The following RAVER2 variants were observed in gnomAD, a reference collection of about 807,000 sequenced individuals.
The protein encoded by RAVER2 is ribonucleoprotein PTB-binding 2.
Under a neutral mutation model 78.1 loss-of-function variants are expected in RAVER2, and 46 were observed. The ratio of observed to expected loss-of-function variants is 0.59; its 90% confidence interval spans 0.46 to 0.75. The LOEUF is 0.75. Ranked by LOEUF, RAVER2 falls within the 30% of genes least tolerant of loss-of-function variation. The pLI is 0.00. For synonymous variants in RAVER2, 311 were observed against 313.3 expected (o/e 0.99, Z 0.08); for missense variants, 793 against 837.5 (o/e 0.95, Z 0.66).
intron 1 of RAVER2, among the ~76,000 whole-genome samples, chr1:64,766,145 T>C (rs568047821): frequency 1.3e-5 from 2 of 152,362 alleles, no homozygotes; most frequent in South Asian, 4.1e-4. Context: ...AATAGTTTAC[T>C]AAAGCTATCT....
At chr1:64,749,745 T>C (rs1385321854) in intron 1 of RAVER2, among the ~76,000 whole-genome samples, 2 of 152,240 alleles carry the variant, frequency 1.3e-5, no homozygotes, top group East Asian at 3.8e-4. Flanking sequence ...GTCTGGTCTT[T>C]TGCAACTGAA....
intron 1 of RAVER2, among the ~76,000 whole-genome samples, chr1:64,760,944 T>G (rs1170941560): frequency 1.3e-5 from 2 of 152,188 alleles, no homozygotes; most frequent in Non-Finnish European, 2.9e-5. Flanking sequence ...CAACTGGGTT[T>G]GAATCACAGC....
At chr1:64,752,032 A>G (rs1000627448) in intron 1 of RAVER2, among the ~76,000 whole-genome samples, 1 of 152,166 alleles carries the variant, frequency 6.6e-6, no homozygotes, top group Non-Finnish European at 1.5e-5. Flanking sequence ...TTGGCTATAC[A>G]GTACTGTATA....
At chr1:64,761,780 A>G (rs1033410845) in intron 1 of RAVER2, among the ~76,000 whole-genome samples, 2 of 152,234 alleles carry the variant, frequency 1.3e-5, no homozygotes, top group Admixed American at 6.5e-5. Context: ...ATGATTGTGT[A>G]TATAGAAAAT....
chr1:64,808,488 G>GTT, intron 9 of RAVER2, among the ~76,000 whole-genome samples: 1 of 110,062 alleles, frequency 9.1e-6, no homozygotes, highest in Admixed American at 1.3e-4. Context: ...TTGAGACCAA[G>GTT]TCTTGCTCTG....
Position 64,745,267 on chromosome 1 carries a change from G to C in RAVER2, c.95G>C (p.Gly32Ala). ...CCGGGGCCGGGGCTGCGCGGGCAGG[G>C]CCCCTCAGCCGAAGCGCACGAGGGC... Residue 32 changes from glycine to alanine, a missense_variant, in exon 1 of 12, where the codon GGC becomes GCC. Physicochemically the swap from Gly to Ala is moderately conservative, Grantham distance 60. Transcript: ENST00000294428. The surrounding 1 kb of genome is among the most constrained non-coding windows in gnomAD (Gnocchi z 4.3). The C allele has an allele frequency of 1.5e-6, 2 of 1,341,350 alleles. No individual in the cohort carries two copies. Among genetic ancestry groups the C allele is most frequent in the African/African-American group, 3.1e-5 (2 of 64,096 alleles). The allele number at this position is 1,341,350 out of a possible 1,614,324, so 83.1% of individuals were successfully genotyped here. A position where few individuals can be genotyped will look rare whatever the true frequency, so the allele number is the denominator to read the frequency against.
At chr1:64,748,008 TTTTA>T (rs1290311077) in intron 1 of RAVER2, among the ~76,000 whole-genome samples, 1 of 152,210 alleles carries the variant, frequency 6.6e-6, no homozygotes, top group Non-Finnish European at 1.5e-5. Flanking sequence ...TCAAATTTTG[TTTTA>T]TTTTTGGTAT....
At chr1:64,781,885 C>T (rs1427371857) in intron 4 of RAVER2, among the ~76,000 whole-genome samples, 1 of 151,702 alleles carries the variant, frequency 6.6e-6, no homozygotes, top group Non-Finnish European at 1.5e-5. Flanking sequence ...TGTAACATGC[C>T]TCCTTTTTCT....
intron 11 of RAVER2, among the ~76,000 whole-genome samples, chr1:64,823,802 A>AT (rs759134955): frequency 0.044 from 5,443 of 122,806 alleles, 253 homozygotes; most frequent in African/African-American, 0.088. Context: ...GTAAGTTGTG[A>AT]TTTTTTTTTT....
Position 64,814,703 on chromosome 1 carries a change from G to A in RAVER2, c.1793-1G>A, listed in dbSNP as rs1553155953. ...AATAAACTTGTTGATTCTGCCTTTA[G>A]CCCCTGCAAGTAAAACCACTCTTCA... On this transcript the variant is annotated splice_acceptor_variant, in intron 10 of 11. Coordinates refer to ENST00000294428, the Ensembl canonical transcript of RAVER2. LOFTEE classifies it high-confidence loss of function. 2.1e-6 allele frequency: 3 copies of A among 1,444,238 alleles called. No individual in the cohort carries two copies. Among genetic ancestry groups the A allele is most frequent in the African/African-American group, 1.4e-5 (1 of 70,326 alleles). 89.5% of individuals were successfully genotyped at this position (1,444,238 alleles called of 1,614,324 possible). A position where few individuals can be genotyped will look rare whatever the true frequency, so the allele number is the denominator to read the frequency against.
downstream of RAVER2, chr1:64,833,229 T>TAA (rs1654234424): frequency 4.5e-6 from 1 of 221,754 alleles, no homozygotes; most frequent in South Asian, 1.8e-4. Context: ...CATATGCATG[T>TAA]AAAGTCTTTA....
chr1:64,830,867 G>C, exon 12 of RAVER2: 2 of 1,609,928 alleles, frequency 1.2e-6, no homozygotes, highest in Non-Finnish European at 1.7e-6. Context: ...GAAAAGCGAG[G>C]CTCATCATAT....
Position 64,745,417 on chromosome 1 carries a change from G to T in RAVER2, c.245G>T (p.Cys82Phe). 6.5e-7 allele frequency: 1 copy of T among 1,532,042 alleles called. No individual in the cohort carries two copies. Among genetic ancestry groups the T allele is most frequent in the Non-Finnish European group, 8.8e-7 (1 of 1,136,058 alleles). The allele number at this position is 1,532,042 out of a possible 1,614,324, so 94.9% of individuals were successfully genotyped here. ...AAAAACCTGCCCCAGGACAGCAACT[G>T]CCAGGTACTGGGACGGTGATAGGGG... The change falls in exon 1 of 12, where the codon TGC (cysteine) becomes TTC (phenylalanine). Residue 82 changes from cysteine (C) to phenylalanine (F), a missense_variant. Transcript: ENST00000294428. This position sits in a 1 kb window ranked among gnomAD's most constrained non-coding sequence, Gnocchi z 4.3.
At chr1:64,825,631 C>G (rs879645074) in intron 11 of RAVER2, among the ~76,000 whole-genome samples, 6 of 152,260 alleles carry the variant, frequency 3.9e-5, no homozygotes, top group Admixed American at 6.5e-5. Flanking sequence ...CCCCTTTCCC[C>G]AATTCTTACG....
At chr1:64,787,693 G>A (rs1652820610) in intron 4 of RAVER2, among the ~76,000 whole-genome samples, 1 of 152,160 alleles carries the variant, frequency 6.6e-6, no homozygotes, top group Non-Finnish European at 1.5e-5. Context: ...GCTGTTCGTT[G>A]GTCCTATGGC....
chr1:64,776,476 G>T (rs1038231510), intron 2 of RAVER2, among the ~76,000 whole-genome samples: 7 of 152,142 alleles, frequency 4.6e-5, no homozygotes, highest in Admixed American at 1.3e-4. Context: ...ACCAATTGAG[G>T]GCAGAGAAGT....
At chr1:64,757,224 G>A (rs985086579) in intron 1 of RAVER2, among the ~76,000 whole-genome samples, 4 of 152,128 alleles carry the variant, frequency 2.6e-5, no homozygotes, top group Non-Finnish European at 5.9e-5. Context: ...TAGTTTCTGT[G>A]CTCCAGCCCT....
intron 5 of RAVER2, among the ~76,000 whole-genome samples, chr1:64,801,608 G>A (rs769687689): frequency 3.3e-5 from 5 of 150,446 alleles, no homozygotes; most frequent in Non-Finnish European, 5.9e-5. Flanking sequence ...GGTGGCTCAC[G>A]CCTGTAATCC....
At chr1:64,769,720 A>G (rs1652264103) in intron 2 of RAVER2, among the ~76,000 whole-genome samples, 1 of 152,088 alleles carries the variant, frequency 6.6e-6, no homozygotes. Flanking sequence ...CAGAGTGACT[A>G]TAATGAGCAA....
Sources: gnomAD v4.1 joint callset for allele counts (sites outside exome capture counted in the v4.1 genomes callset) on GRCh38, gnomAD v4.1.1 for gene constraint, Gnocchi (gnomAD v3.1) non-coding constraint, MANE v1.5 for transcripts, NCBI Gene and HGNC (gene_info 2026-07-23, HGNC 2026-07-21) for gene names.